Variants in KCNQ1OT1 observed in about 807,000 individuals in gnomAD.
The protein encoded by KCNQ1OT1 is KCNQ1 antisense RNA 2 (non-protein coding).
exon 1 of KCNQ1OT1, chr11:2,689,332 C>A (rs1273985724): frequency 5.0e-6 from 2 of 398,508 alleles, no homozygotes; most frequent in Admixed American, 8.8e-5. Context: ...TGCCCCTATC[C>A]GCAGAGCTTG....
chr11:2,650,068 C>T lies in KCNQ1OT1; in HGVS notation n.49927G>A, dbSNP rs183784012. On this transcript the variant is annotated non_coding_transcript_exon_variant, in exon 1 of 1. Coordinates refer to ENST00000597346, the Ensembl canonical transcript of KCNQ1OT1. Reference sequence around the variant, plus strand: ...AATTATTTCTTCTGCTTGACTTAGCCGGCTTTTGAAGCTTTCAATTGTATT... The same window carrying T: ...AATTATTTCTTCTGCTTGACTTAGCTGGCTTTTGAAGCTTTCAATTGTATT... 6.9e-4 allele frequency: 273 copies of T among 398,258 alleles called. 1 individual carries two copies. The Middle Eastern group carries it at 0.012, about 17-fold the overall frequency. 24.7% of individuals were successfully genotyped at this position (398,258 alleles called of 1,614,324 possible).
chr11:2,667,985 C>A, exon 1 of KCNQ1OT1: 1 of 398,662 alleles, frequency 2.5e-6, no homozygotes, highest in South Asian at 1.3e-4. Context: ...CATTTCCTGT[C>A]ACTGACCTTG....
chr11:2,688,682 C>T, exon 1 of KCNQ1OT1: 1 of 399,000 alleles, frequency 2.5e-6, no homozygotes, highest in East Asian at 3.6e-5. Flanking sequence ...TTCCACACAC[C>T]ACGTGCCTAG....
rs564150799 is a variant in KCNQ1OT1 at position 2,680,093 on chromosome 11, T to G, written n.19902A>C. 7.8e-4 allele frequency: 307 copies of G among 395,812 alleles called. 2 individuals are homozygous for G. The South Asian group carries it at 0.037, about 48-fold the overall frequency. The allele number at this position is 395,812 out of a possible 1,614,324, so 24.5% of individuals were successfully genotyped here. On this transcript the variant is annotated non_coding_transcript_exon_variant, in exon 1 of 1. Transcript: ENST00000597346. ...TTTTATTAGAGACAGGGTTTCACCA[T>G]GTTGGCCAGGCTGGTCTCAAACTCC...
exon 1 of KCNQ1OT1, chr11:2,675,413 A>T (rs1455265416): frequency 2.5e-6 from 1 of 398,556 alleles, no homozygotes; most frequent in Non-Finnish European, 4.4e-6. Context: ...TAATTGAAAA[A>T]TATATTGTCA....
At chr11:2,632,451 G>A (rs1208928087) in exon 1 of KCNQ1OT1, 1 of 398,240 alleles carries the variant, frequency 2.5e-6, no homozygotes, top group Non-Finnish European at 4.4e-6. Context: ...GATCTTAGAG[G>A]AAAAGCTCTT....
In KCNQ1OT1 at chr11:2,671,945, T is replaced by C. The variant is rs1250023934; in HGVS notation, n.28050A>G. ...TCCTCAGGCAGCTAGTCTCTGTATC[T>C]GGGGTAGAAAGAGTGGGCTAAAAAG... On this transcript the variant is annotated non_coding_transcript_exon_variant, in exon 1 of 1. Coordinates refer to ENST00000597346, the Ensembl canonical transcript of KCNQ1OT1. This position sits in a 1 kb window ranked among gnomAD's most constrained non-coding sequence, Gnocchi z 4.7. The C allele has an allele frequency of 7.5e-6, 3 of 398,538 alleles. No individual in the cohort carries two copies. The Middle Eastern group carries it at 1.9e-3, about 248-fold the overall frequency. The allele number at this position is 398,538 out of a possible 1,614,324, so 24.7% of individuals were successfully genotyped here.
At chr11:2,641,449 C>G in exon 1 of KCNQ1OT1, 1 of 397,874 alleles carries the variant, frequency 2.5e-6, no homozygotes, top group Non-Finnish European at 4.4e-6. Flanking sequence ...TGAGAAATAT[C>G]TATCCATGTC....
rs1564844096 is a variant in KCNQ1OT1 at position 2,647,015 on chromosome 11, T to C, written n.52980A>G. 2 of 398,492 alleles carry C rather than the reference T, an allele frequency of 5.0e-6. No individual in the cohort carries two copies. Among genetic ancestry groups the C allele is most frequent in the Non-Finnish European group, 8.8e-6 (2 of 226,062 alleles). 24.7% of individuals were successfully genotyped at this position (398,492 alleles called of 1,614,324 possible). The stretch of plus-strand genomic sequence containing the variant: ...CTAATTGTTCTGGTGAGGACTTTTC[T>C]TACTCTGCTGAATAAGAATAGTGAA... On this transcript the variant is annotated non_coding_transcript_exon_variant, in exon 1 of 1. Coordinates refer to ENST00000597346, the Ensembl canonical transcript of KCNQ1OT1. The surrounding 1 kb of genome is among the most constrained non-coding windows in gnomAD (Gnocchi z 4.0).
Position 2,620,970 on chromosome 11 carries a change from C to CT in KCNQ1OT1, n.79024dup, listed in dbSNP as rs144479763. 1,125 of 379,690 alleles carry CT rather than the reference C, an allele frequency of 3.0e-3. 4 individuals carry two copies. Among genetic ancestry groups the CT allele is most frequent in the Non-Finnish European group, 4.1e-3 (889 of 218,384 alleles). 23.5% of individuals were successfully genotyped at this position (379,690 alleles called of 1,614,324 possible). A position where few individuals can be genotyped will look rare whatever the true frequency, so the allele number is the denominator to read the frequency against. ...TTTGTTTTTTTTTGTCTGTTTTTTG[C>CT]TTTTTTGTTTGTTTGTTTGTTTTTT... On this transcript the variant is annotated non_coding_transcript_exon_variant, in exon 1 of 1. Transcript: ENST00000597346. This position sits in a 1 kb window ranked among gnomAD's most constrained non-coding sequence, Gnocchi z 4.5.
exon 1 of KCNQ1OT1, chr11:2,616,253 T>C: frequency 2.5e-6 from 1 of 397,878 alleles, no homozygotes; most frequent in Non-Finnish European, 4.4e-6. Context: ...TACTTTTGTT[T>C]ATGATTTTAG....
chr11:2,638,025 T>G (rs1302641499), exon 1 of KCNQ1OT1: 1 of 152,268 alleles, frequency 6.6e-6, no homozygotes, highest in Non-Finnish European at 1.5e-5. Context: ...ATTTTCCATT[T>G]GCTTGGTAGA....
exon 1 of KCNQ1OT1, chr11:2,619,316 A>G (rs1191171519): frequency 2.5e-6 from 1 of 398,378 alleles, no homozygotes; most frequent in Admixed American, 4.4e-5. Flanking sequence ...TGGGCTTTTC[A>G]TAAATGGCAT....
chr11:2,628,844 T>C (rs999541546), exon 1 of KCNQ1OT1: 3 of 398,242 alleles, frequency 7.5e-6, no homozygotes, highest in Non-Finnish European at 1.3e-5. Context: ...GATATCCTGG[T>C]TTCACAGTGC....
exon 1 of KCNQ1OT1, chr11:2,633,991 C>A: frequency 2.5e-6 from 1 of 398,560 alleles, no homozygotes; most frequent in Non-Finnish European, 4.4e-6. Flanking sequence ...GTTGAAGAGT[C>A]GACTGTATTT....
At position 2,617,247 on chromosome 11, in the gene KCNQ1OT1, A is replaced by G; in HGVS notation, n.82748T>C. 2 of 398,284 alleles carry G rather than the reference A, an allele frequency of 5.0e-6. No individual in the cohort carries two copies. The highest frequency in any genetic ancestry group is 8.9e-6 in the Non-Finnish European group (2 of 225,894). The allele number at this position is 398,284 out of a possible 1,614,324, so 24.7% of individuals were successfully genotyped here. A position where few individuals can be genotyped will look rare whatever the true frequency, so the allele number is the denominator to read the frequency against. On this transcript the variant is annotated non_coding_transcript_exon_variant, in exon 1 of 1. Transcript: ENST00000597346. This position sits in a 1 kb window ranked among gnomAD's most constrained non-coding sequence, Gnocchi z 4.6. ...CATTTTCTTCCCCCACACCTTGCCC[A>G]TGGTAACCACTAGTTTATTCTATCT... is the stretch of plus-strand genomic sequence containing the variant.
At chr11:2,625,286 T>C in exon 1 of KCNQ1OT1, 1 of 398,724 alleles carries the variant, frequency 2.5e-6, no homozygotes, top group Non-Finnish European at 4.4e-6. Flanking sequence ...GATCTGGCTC[T>C]GTCACTTAGG....
chr11:2,611,259 GC>G lies in KCNQ1OT1; in HGVS notation n.88735del. ...TTTTGGGATGGAGTCTCACTCTGTT[GC>G]CCAGGCTGGAGTGCAGTGGCGTGAC... On this transcript the variant is annotated non_coding_transcript_exon_variant, in exon 1 of 1. Transcript: ENST00000597346. The surrounding 1 kb of genome is among the most constrained non-coding windows in gnomAD (Gnocchi z 5.3). The G allele has an allele frequency of 7.5e-6, 3 of 397,436 alleles. No individual in the cohort carries two copies. The highest frequency in any genetic ancestry group is 1.3e-5 in the Non-Finnish European group (3 of 225,868). 24.6% of individuals were successfully genotyped at this position (397,436 alleles called of 1,614,324 possible).
In KCNQ1OT1 at chr11:2,671,168, G is replaced by A; in HGVS notation, n.28827C>T. The A allele has an allele frequency of 2.5e-6, 1 of 398,592 alleles. No individual in the cohort carries two copies. The highest frequency in any genetic ancestry group is 4.4e-6 in the Non-Finnish European group (1 of 226,074). 24.7% of individuals were successfully genotyped at this position (398,592 alleles called of 1,614,324 possible). A position where few individuals can be genotyped will look rare whatever the true frequency, so the allele number is the denominator to read the frequency against. ...GCCTGAGGTGCCATCTTAGAAATAG[G>A]GCCTTGTTAGGAGAAAAGGAAAGAA... On this transcript the variant is annotated non_coding_transcript_exon_variant, in exon 1 of 1. Coordinates refer to ENST00000597346, the Ensembl canonical transcript of KCNQ1OT1. The surrounding 1 kb of genome is among the most constrained non-coding windows in gnomAD (Gnocchi z 4.7).
Sources: gnomAD v4.1 joint callset for allele counts on GRCh38, gnomAD v4.1.1 for gene constraint, Gnocchi (gnomAD v3.1) non-coding constraint, MANE v1.5 for transcripts, NCBI Gene and HGNC (gene_info 2026-07-23, HGNC 2026-07-21) for gene names.